NCAM1: variants seen among roughly 807,000 people sequenced by gnomAD.
NCAM1 encodes antigen recognized by monoclonal antibody 5.1H11.
A neutral mutation model predicts 109.8 loss-of-function variants in NCAM1; 14 were observed. The observed-to-expected ratio is 0.13, with a 90% CI of 0.08 to 0.20. The LOEUF is 0.20. Among genes scored for constraint, NCAM1 ranks in the 10% least tolerant of loss-of-function variants. The pLI is 1.00. For missense variants in NCAM1, 774 were observed against 1,109.9 expected, an observed-to-expected ratio of 0.70 and a Z score of 4.30; for synonymous variants, 418 against 442.9, an observed-to-expected ratio of 0.94 and a Z score of 0.70.
At chr11:113,122,681 G>A (rs1224926690) in intron 1 of NCAM1, among the ~76,000 whole-genome samples, 3 of 152,170 alleles carry the variant, frequency 2.0e-5, no homozygotes, top group Admixed American at 2.0e-4. Context: ...CTATTCGGGA[G>A]GCTGAGGCAA....
At chr11:113,016,532 A>G (rs912405240) in intron 1 of NCAM1, among the ~76,000 whole-genome samples, 3 of 152,222 alleles carry the variant, frequency 2.0e-5, no homozygotes, top group Admixed American at 6.5e-5. Flanking sequence ...AATACTTGTC[A>G]TGCGGTGCAG....
intron 1 of NCAM1, among the ~76,000 whole-genome samples, chr11:113,057,713 G>C (rs377534552): frequency 3.9e-4 from 60 of 152,302 alleles, no homozygotes; most frequent in Admixed American, 1.3e-3. Context: ...TAGTTTCCTA[G>C]CATGAGTAAC....
intron 1 of NCAM1, among the ~76,000 whole-genome samples, chr11:113,114,021 C>T (rs1401841902): frequency 6.6e-6 from 1 of 152,196 alleles, no homozygotes; most frequent in Admixed American, 6.5e-5. Flanking sequence ...TTCTGATGCC[C>T]AGTGCTTCAA....
intron 1 of NCAM1, among the ~76,000 whole-genome samples, chr11:113,042,416 C>T (rs1311703844): frequency 5.3e-5 from 8 of 152,220 alleles, no homozygotes; most frequent in Admixed American, 5.2e-4. Context: ...TCCCTGTTCT[C>T]CTCTGGTTTG....
At chr11:113,030,221 G>A (rs1555078113) in intron 1 of NCAM1, among the ~76,000 whole-genome samples, 1 of 152,158 alleles carries the variant, frequency 6.6e-6, no homozygotes, top group East Asian at 1.9e-4. Context: ...CCAATGCCTG[G>A]ATTATAAACA....
chr11:112,973,157 T>G (rs1327622139), intron 1 of NCAM1, among the ~76,000 whole-genome samples: 1 of 152,152 alleles, frequency 6.6e-6, no homozygotes, highest in Non-Finnish European at 1.5e-5. Flanking sequence ...AGCAAAATCT[T>G]TTGAAGCTTG....
chr11:113,184,657 G>T (rs1403048332), intron 1 of NCAM1, among the ~76,000 whole-genome samples: 1 of 152,140 alleles, frequency 6.6e-6, no homozygotes, highest in Admixed American at 6.5e-5. Flanking sequence ...TATCCTCCTA[G>T]TGACTAGCAC....
intron 1 of NCAM1, among the ~76,000 whole-genome samples, chr11:112,999,024 A>G (rs1555071972): frequency 6.6e-6 from 1 of 152,186 alleles, no homozygotes; most frequent in Non-Finnish European, 1.5e-5. Flanking sequence ...TTCAGATGCT[A>G]ATTAAACTAC....
chr11:113,231,036 T>A (rs1310967799), intron 9 of NCAM1, among the ~76,000 whole-genome samples: 1 of 152,234 alleles, frequency 6.6e-6, no homozygotes, highest in African/African-American at 2.4e-5. Flanking sequence ...AGAACCCAGT[T>A]ACTCTCACTT....
chr11:113,088,463 A>G (rs1462687430), intron 1 of NCAM1, among the ~76,000 whole-genome samples: 1 of 152,210 alleles, frequency 6.6e-6, no homozygotes, highest in African/African-American at 2.4e-5. Flanking sequence ...ACATGGTGGG[A>G]TTAGCTTGAT....
chr11:113,220,642 C>G (rs1427515604), intron 8 of NCAM1, among the ~76,000 whole-genome samples: 2 of 108,086 alleles, frequency 1.9e-5, no homozygotes, highest in Admixed American at 1.2e-4. Flanking sequence ...GAGTCTCACT[C>G]TGTTGCCCAG....
At position 113,277,959 on chromosome 11, in the gene NCAM1, ATTTTC is replaced by A. The variant is rs1352612899; in HGVS notation, c.*2577_*2581del. On this transcript the variant is annotated 3_prime_UTR_variant, in exon 20 of 20. Coordinates refer to ENST00000316851, the MANE Select transcript of NCAM1 (RefSeq NM_181351.5). Reference sequence around the variant, plus strand: ...TTATGTTAAGAGATCAAAGCTTATAATTTTCTTTTTTAATTTTTGAAGGAGGGATC... The same window carrying A: ...TTATGTTAAGAGATCAAAGCTTATAATTTTTTAATTTTTGAAGGAGGGATC... 4 of 150,098 alleles carry A rather than the reference ATTTTC, an allele frequency of 2.7e-5. No homozygotes were observed. Among genetic ancestry groups the A allele is most frequent in the African/African-American group, 9.9e-5 (4 of 40,364 alleles). 9.3% of individuals were successfully genotyped at this position (150,098 alleles called of 1,614,324 possible).
chr11:113,172,523 T>C (rs1555106409), intron 1 of NCAM1, among the ~76,000 whole-genome samples: 1 of 152,258 alleles, frequency 6.6e-6, no homozygotes, highest in African/African-American at 2.4e-5. Flanking sequence ...TATGTTCTTT[T>C]GTCTGGGTCT....
intron 8 of NCAM1, among the ~76,000 whole-genome samples, chr11:113,217,544 G>T (rs910817727): frequency 6.6e-6 from 1 of 151,834 alleles, no homozygotes; most frequent in Non-Finnish European, 1.5e-5. Context: ...GCAGACTTCA[G>T]GAGGGCTACT....
chr11:113,271,094 TA>T (rs1224523118), intron 18 of NCAM1, among the ~76,000 whole-genome samples: 2 of 151,998 alleles, frequency 1.3e-5, no homozygotes, highest in Non-Finnish European at 2.9e-5. Context: ...AATGTATGTA[TA>T]GGGGTGACTC....
chr11:113,140,562 G>C (rs1555100216), intron 1 of NCAM1, among the ~76,000 whole-genome samples: 1 of 152,102 alleles, frequency 6.6e-6, no homozygotes, highest in Non-Finnish European at 1.5e-5. Context: ...GCATTGCTTC[G>C]GAGTCAAGCC....
chr11:113,050,436 C>T (rs1953435527), intron 1 of NCAM1, among the ~76,000 whole-genome samples: 1 of 152,068 alleles, frequency 6.6e-6, no homozygotes, highest in Admixed American at 6.5e-5. Context: ...CCACTCTTTC[C>T]CCTTATTTTC....
At chr11:112,980,827 A>G (rs1951135349) in intron 1 of NCAM1, among the ~76,000 whole-genome samples, 1 of 151,842 alleles carries the variant, frequency 6.6e-6, no homozygotes, top group African/African-American at 2.4e-5. Flanking sequence ...GATTGTGGGT[A>G]TTATATCTTC....
intron 7 of NCAM1, among the ~76,000 whole-genome samples, chr11:113,211,339 C>G (rs1944386837): frequency 6.6e-6 from 1 of 152,158 alleles, no homozygotes. Context: ...CCTGTGGCCT[C>G]AAGAAGGAAT....
Sources: gnomAD v4.1 joint callset for allele counts (sites outside exome capture counted in the v4.1 genomes callset) on GRCh38, gnomAD v4.1.1 for gene constraint, MANE v1.5 for transcripts, NCBI Gene and HGNC (gene_info 2026-07-23, HGNC 2026-07-21) for gene names.